SCN10A: variants seen among roughly 807,000 people sequenced by gnomAD.
SCN10A encodes the protein sodium voltage-gated channel alpha subunit 10.
A neutral mutation model predicts 170.7 loss-of-function variants in SCN10A; 162 were observed. That is an observed-to-expected ratio of 0.95 (90% CI 0.84 to 1.08). The LOEUF is 1.08. Ranked by LOEUF, SCN10A falls within the 50% of genes least tolerant of loss-of-function variation. SCN10A has a pLI of 0.00. For missense variants in SCN10A, 2,527 were observed against 2,436.9 expected (o/e 1.04, Z -0.78); for synonymous variants, 985 against 904.6 (o/e 1.09, Z -1.59).
intron 24 of SCN10A, 37 bp from the exon 25 acceptor site, chr3:38,709,652 G>T (rs762511001): frequency 1.6e-5 from 24 of 1,546,434 alleles, no homozygotes; most frequent in South Asian, 2.5e-5. Flanking sequence ...AGGAGGGTGG[G>T]TGTCTTAGTT....
At chr3:38,760,430 T>C (rs747102578) in intron 8 of SCN10A, among the ~76,000 whole-genome samples, 1 of 152,260 alleles carries the variant, frequency 6.6e-6, no homozygotes, top group Non-Finnish European at 1.5e-5. Flanking sequence ...CAGTCCAAAA[T>C]GCTGATGCAC....
At chr3:38,748,661 C>T (rs529856627) in intron 13 of SCN10A, among the ~76,000 whole-genome samples, 40 of 152,216 alleles carry the variant, frequency 2.6e-4, no homozygotes, top group African/African-American at 9.1e-4. Context: ...TCTCACTCAT[C>T]TTTTTCCATA....
chr3:38,726,820 G>T lies in SCN10A; in HGVS notation c.2873C>A (p.Ala958Asp). ...AGTGTTGGCAGCAATGTGGTTCTCA[G>T]CCTTGGAGCTGGAGAGTGGGAGTTT... The part of the protein sequence containing the change: ...VVKLPLSSSK[A>D]ENHIAANTAR... The change falls in exon 17 of 28, where the codon GCT (alanine) becomes GAT (aspartate). Residue 958 changes from alanine to aspartate, a missense_variant. Physicochemically the swap from Ala to Asp is moderately radical, Grantham distance 126 (BLOSUM62 -2). Transcript: ENST00000449082. The T allele has an allele frequency of 6.2e-7, 1 of 1,613,344 alleles. No individual in the cohort carries two copies. Among genetic ancestry groups the T allele is most frequent in the Non-Finnish European group, 8.5e-7 (1 of 1,179,296 alleles).
At chr3:38,810,635 G>A (rs1410960512) in intron 1 of SCN10A, among the ~76,000 whole-genome samples, 1 of 152,122 alleles carries the variant, frequency 6.6e-6, no homozygotes, top group African/African-American at 2.4e-5. Context: ...ATTTATTTGT[G>A]TATTTGTTTA....
intron 12 of SCN10A, among the ~76,000 whole-genome samples, chr3:38,751,148 T>C (rs906892428): frequency 2.6e-5 from 4 of 152,212 alleles, no homozygotes; most frequent in African/African-American, 9.7e-5. Flanking sequence ...GCTTCTTCTC[T>C]CCTGTGCTAT....
chr3:38,810,457 G>A (rs9860830), intron 1 of SCN10A, among the ~76,000 whole-genome samples: 72,366 of 151,944 alleles, frequency 0.48, 19,037 homozygotes, highest in African/African-American at 0.72. Context: ...TCTGCTTCTA[G>A]ATGGCAAATT....
intron 1 of SCN10A, among the ~76,000 whole-genome samples, chr3:38,814,970 A>G (rs146664918): frequency 9.1e-4 from 139 of 152,358 alleles, no homozygotes; most frequent in Middle Eastern, 3.4e-3. Context: ...TTGCAAGTCC[A>G]GTAAAGCTGA....
chr3:38,728,936 C>T, intron 15 of SCN10A, 35 bp from the exon 16 acceptor site: 2 of 1,569,046 alleles, frequency 1.3e-6, no homozygotes, highest in Non-Finnish European at 1.7e-6. Context: ...GTTTTGGTAG[C>T]TGTGCTCATT....
chr3:38,737,172 G>C (rs1458169183), intron 15 of SCN10A, among the ~76,000 whole-genome samples: 1 of 150,920 alleles, frequency 6.6e-6, no homozygotes, highest in East Asian at 2.0e-4. Flanking sequence ...GGGTTTCACC[G>C]TGTTAGCCAA....
At chr3:38,796,396 T>G (rs983276229) in intron 1 of SCN10A, among the ~76,000 whole-genome samples, 1 of 152,200 alleles carries the variant, frequency 6.6e-6, no homozygotes, top group Non-Finnish European at 1.5e-5. Context: ...TGGCCTCGTA[T>G]GTGTCATTTT....
chr3:38,736,822 AG>A (rs34074715), intron 15 of SCN10A, among the ~76,000 whole-genome samples: 10,446 of 151,918 alleles, frequency 0.069, 441 homozygotes, highest in African/African-American at 0.1. Flanking sequence ...ATTCCCCTGC[AG>A]AATCCTGTAG....
intron 2 of SCN10A, among the ~76,000 whole-genome samples, chr3:38,793,340 T>G (rs183580604): frequency 6.6e-6 from 1 of 152,130 alleles, no homozygotes; most frequent in South Asian, 2.1e-4. Context: ...AAGATCATAG[T>G]TGAGGACCAC....
At chr3:38,700,435 A>G (rs1361926041) in intron 27 of SCN10A, among the ~76,000 whole-genome samples, 3 of 152,220 alleles carry the variant, frequency 2.0e-5, no homozygotes, top group Non-Finnish European at 4.4e-5. Flanking sequence ...ATAAATCTTA[A>G]GTGTTCCTAG....
chr3:38,748,321 A>T (rs1237108440), intron 13 of SCN10A, among the ~76,000 whole-genome samples: 1 of 152,236 alleles, frequency 6.6e-6, no homozygotes, highest in African/African-American at 2.4e-5. Flanking sequence ...ATGAGAAAAA[A>T]TAATAGAAGA....
intron 15 of SCN10A, among the ~76,000 whole-genome samples, chr3:38,735,441 G>A (rs78030662): frequency 0.027 from 4,159 of 152,222 alleles, 184 homozygotes; most frequent in African/African-American, 0.094. Context: ...GGTATACAGC[G>A]TATACTATCT....
chr3:38,698,771 C>T (rs768929143), intron 27 of SCN10A, among the ~76,000 whole-genome samples: 3 of 152,120 alleles, frequency 2.0e-5, no homozygotes, highest in South Asian at 2.1e-4. Context: ...CTTCCTCCTC[C>T]GTCTTACCCT....
intron 1 of SCN10A, among the ~76,000 whole-genome samples, chr3:38,801,860 C>T (rs565069207): frequency 1.3e-3 from 196 of 152,312 alleles, no homozygotes; most frequent in African/African-American, 4.4e-3. Context: ...TATACAACTA[C>T]GGTTAGCATT....
At chr3:38,705,063 C>T (rs939949801) in intron 26 of SCN10A, among the ~76,000 whole-genome samples, 1 of 152,226 alleles carries the variant, frequency 6.6e-6, no homozygotes, top group South Asian at 2.1e-4. Context: ...CATTTGGATG[C>T]TGGTCAGGAG....
At chr3:38,708,554 A>G (rs1038847361) in intron 25 of SCN10A, among the ~76,000 whole-genome samples, 1 of 152,038 alleles carries the variant, frequency 6.6e-6, no homozygotes, top group Non-Finnish European at 1.5e-5. Flanking sequence ...TATATTTTAA[A>G]TTGTTAATAG....
Sources: allele counts gnomAD v4.1 joint callset (sites outside exome capture counted in the v4.1 genomes callset), GRCh38; gene constraint gnomAD v4.1.1; transcripts MANE v1.5; gene names NCBI Gene and HGNC (gene_info 2026-07-23, HGNC 2026-07-21).